Variants in SDK1 observed in about 807,000 individuals in gnomAD.
SDK1 encodes protein sidekick-1.
A neutral mutation model predicts 245.5 loss-of-function variants in SDK1; 157 were observed. The observed-to-expected ratio is 0.64, with a 90% CI of 0.56 to 0.73. The LOEUF is 0.73. Ranked by LOEUF, SDK1 falls within the 30% of genes least tolerant of loss-of-function variation. The probability of loss-of-function intolerance (pLI) is 0.00; values close to 1 mark genes in which losing one functional copy is unlikely to be tolerated. For missense variants in SDK1, 3,583 were observed against 3,002.3 expected (o/e 1.19, Z -4.52); for synonymous variants, 1,647 against 1,278.5 (o/e 1.29, Z -6.15).
intron 1 of SDK1, among the ~76,000 whole-genome samples, chr7:3,451,388 C>A (rs1257888630): frequency 6.6e-6 from 1 of 151,978 alleles, no homozygotes; most frequent in Non-Finnish European, 1.5e-5. Flanking sequence ...ATGCGAATAG[C>A]TGCGTTTTTG....
chr7:3,400,087 G>C (rs1439999704), intron 1 of SDK1, among the ~76,000 whole-genome samples: 1 of 151,746 alleles, frequency 6.6e-6, no homozygotes, highest in Non-Finnish European at 1.5e-5. Flanking sequence ...CAGAGAGGGC[G>C]CTTTTGGGGA....
At chr7:3,891,698 A>G (rs1781464075) in intron 5 of SDK1, among the ~76,000 whole-genome samples, 1 of 152,118 alleles carries the variant, frequency 6.6e-6, no homozygotes, top group Admixed American at 6.5e-5. Flanking sequence ...CAGTTGAAAG[A>G]TTTCATTGGG....
intron 1 of SDK1, among the ~76,000 whole-genome samples, chr7:3,392,926 TGGCTTACA>T (rs1781795833): frequency 6.6e-6 from 1 of 151,496 alleles, no homozygotes; most frequent in African/African-American, 2.4e-5. Context: ...TGATGAACAT[TGGCTTACA>T]GGTATCTGTT....
chr7:4,252,790 T>C (rs1312727250), intron 44 of SDK1, among the ~76,000 whole-genome samples: 2 of 151,926 alleles, frequency 1.3e-5, no homozygotes, highest in African/African-American at 4.8e-5. Flanking sequence ...AATTACTAGT[T>C]CTATCTGTTT....
intron 4 of SDK1, among the ~76,000 whole-genome samples, chr7:3,791,244 G>A (rs1377114439): frequency 6.6e-6 from 1 of 152,116 alleles, no homozygotes; most frequent in Non-Finnish European, 1.5e-5. Flanking sequence ...GTGTAACCTA[G>A]CAACATTGTG....
chr7:3,975,805 A>T (rs986053497), intron 13 of SDK1, among the ~76,000 whole-genome samples: 2 of 152,220 alleles, frequency 1.3e-5, no homozygotes, highest in African/African-American at 4.8e-5. Context: ...AGCAGAGGTA[A>T]TTGTGGTTAG....
chr7:3,498,949 A>G (rs17133456), intron 1 of SDK1, among the ~76,000 whole-genome samples: 5,039 of 152,238 alleles, frequency 0.033, 295 homozygotes, highest in African/African-American at 0.11. Context: ...AATGAATACT[A>G]TTGATCTGGC....
intron 19 of SDK1, among the ~76,000 whole-genome samples, chr7:4,054,929 C>G (rs1779106741): frequency 6.6e-6 from 1 of 152,184 alleles, no homozygotes; most frequent in Non-Finnish European, 1.5e-5. Context: ...GTCAAACCAG[C>G]TTTGTGTACT....
At chr7:4,098,824 CTTTTTTT>C (rs58678214) in intron 22 of SDK1, among the ~76,000 whole-genome samples, 1 of 82,864 alleles carries the variant, frequency 1.2e-5, no homozygotes. Context: ...CCACAATGCC[CTTTTTTT>C]TTTTTTTTTT....
chr7:4,013,737 C>T (rs114017820), intron 16 of SDK1, among the ~76,000 whole-genome samples: 2 of 152,300 alleles, frequency 1.3e-5, no homozygotes, highest in South Asian at 2.1e-4. Flanking sequence ...TAAGCCAGAC[C>T]GTGACCCACC....
intron 13 of SDK1, among the ~76,000 whole-genome samples, chr7:3,982,794 C>T (rs149125204): frequency 1.1e-3 from 163 of 151,280 alleles, no homozygotes; most frequent in Non-Finnish European, 2.1e-3. Context: ...GAGCTGAGAT[C>T]GTGCCACTGC....
chr7:3,601,905 C>T (rs1781265945), intron 1 of SDK1, among the ~76,000 whole-genome samples: 1 of 148,902 alleles, frequency 6.7e-6, no homozygotes, highest in Non-Finnish European at 1.5e-5. Context: ...TCAATTCCCA[C>T]CTATGAATGA....
chr7:3,949,813 T>G (rs1780726780), intron 5 of SDK1, among the ~76,000 whole-genome samples: 1 of 152,172 alleles, frequency 6.6e-6, no homozygotes, highest in African/African-American at 2.4e-5. Context: ...TCAAAAAACA[T>G]AGATTCAGGA....
chr7:4,013,472 G>A (rs1266086847), intron 16 of SDK1, among the ~76,000 whole-genome samples: 1 of 152,226 alleles, frequency 6.6e-6, no homozygotes, highest in Non-Finnish European at 1.5e-5. Context: ...TGTGTGATCA[G>A]TAAACAGTGG....
intron 1 of SDK1, among the ~76,000 whole-genome samples, chr7:3,357,747 A>G (rs987838540): frequency 4.6e-5 from 7 of 152,040 alleles, no homozygotes; most frequent in African/African-American, 1.7e-4. Context: ...TGACTTGGTC[A>G]TGACACAGAA....
intron 1 of SDK1, among the ~76,000 whole-genome samples, chr7:3,315,239 T>G (rs1423855847): frequency 6.6e-6 from 1 of 152,136 alleles, no homozygotes; most frequent in Non-Finnish European, 1.5e-5. Context: ...CTTTGTAGAG[T>G]GTACTAGCTT....
intron 4 of SDK1, among the ~76,000 whole-genome samples, chr7:3,763,715 A>C (rs1169042741): frequency 6.6e-6 from 1 of 152,142 alleles, no homozygotes; most frequent in Admixed American, 6.5e-5. Context: ...TTACCTTTTT[A>C]GGGGTGGTGG....
chr7:3,358,365 G>C (rs1780863134), intron 1 of SDK1, among the ~76,000 whole-genome samples: 1 of 149,982 alleles, frequency 6.7e-6, no homozygotes, highest in Admixed American at 6.6e-5. Context: ...TTGACAATTT[G>C]TTTTAATATG....
chr7:3,962,749 C>T lies in SDK1; in HGVS notation c.1327C>T (p.Leu443=). Reference sequence around the variant, plus strand: ...ATACAAAGTGCTCGCCAGCGGAGGCCTGCGCATCCAGAAGCTGCGTCCAGA... The same window carrying T: ...ATACAAAGTGCTCGCCAGCGGAGGCTTGCGCATCCAGAAGCTGCGTCCAGA... ...PRYKVLASGG[L]RIQKLRPEDS... The change falls in exon 9 of 45, where the codon CTG becomes TTG. Residue 443 remains leucine, a synonymous_variant. Transcript: ENST00000404826. The T allele has an allele frequency of 1.2e-6, 2 of 1,613,722 alleles. No individual in the cohort carries two copies. The highest frequency in any genetic ancestry group is 2.2e-5 in the East Asian group (1 of 44,884).
Sources: allele counts gnomAD v4.1 joint callset (sites outside exome capture counted in the v4.1 genomes callset), GRCh38; gene constraint gnomAD v4.1.1; transcripts MANE v1.5; gene names NCBI Gene and HGNC (gene_info 2026-07-23, HGNC 2026-07-21).